The following ADAMTSL1 variants were observed in gnomAD, a reference collection of about 807,000 sequenced individuals.
The protein encoded by ADAMTSL1 is ADAMTS like 1.
ADAMTSL1 carries 126 observed loss-of-function variants against 201.8 expected under a neutral mutation model. The ratio of observed to expected loss-of-function variants is 0.62; its 90% CI spans 0.54 to 0.72. ADAMTSL1 has a LOEUF of 0.72. Ranked by LOEUF, ADAMTSL1 falls within the 30% of genes least tolerant of loss-of-function variation. The pLI is 0.00. For missense variants in ADAMTSL1, 2,679 were observed against 2,277.8 expected, an observed-to-expected ratio of 1.18 and a Z score of -3.59; for synonymous variants, 1,121 against 903.4, an observed-to-expected ratio of 1.24 and a Z score of -4.32.
At chr9:18,903,709 C>G (rs966263545) in intron 26 of ADAMTSL1, among the ~76,000 whole-genome samples, 2 of 99,988 alleles carry the variant, frequency 2.0e-5, no homozygotes, top group Non-Finnish European at 4.2e-5. Flanking sequence ...TTGGTATCCA[C>G]AGGTGATTGA....
chr9:18,503,421 G>GTGTATATATATATA (rs376466829), intron 1 of ADAMTSL1, among the ~76,000 whole-genome samples: 1,918 of 115,222 alleles, frequency 0.017, 133 homozygotes, highest in Admixed American at 0.047. Flanking sequence ...ATTCCATTGT[G>GTGTATATATATATA]TATATATATA....
intron 14 of ADAMTSL1, among the ~76,000 whole-genome samples, chr9:18,715,617 C>T (rs1832877583): frequency 6.6e-6 from 1 of 152,238 alleles, no homozygotes; most frequent in East Asian, 1.9e-4. Context: ...ACATTCCATG[C>T]TCATGGGTAG....
intron 23 of ADAMTSL1, among the ~76,000 whole-genome samples, chr9:18,872,002 A>T (rs1036037353): frequency 6.6e-6 from 1 of 152,148 alleles, no homozygotes. Context: ...GGCTGTATCT[A>T]TGTTTCCCAA....
At chr9:18,856,411 A>AT (rs2131394021) in intron 23 of ADAMTSL1, among the ~76,000 whole-genome samples, 1 of 149,026 alleles carries the variant, frequency 6.7e-6, no homozygotes, top group East Asian at 2.0e-4. Flanking sequence ...TTTTAGTCTT[A>AT]TTGTTGACAT....
At chr9:18,752,158 G>A (rs1274545926) in intron 15 of ADAMTSL1, among the ~76,000 whole-genome samples, 1 of 152,014 alleles carries the variant, frequency 6.6e-6, no homozygotes, top group Non-Finnish European at 1.5e-5. Context: ...AGAAAACCAT[G>A]GGGCATAACT....
intron 28 of ADAMTSL1, chr9:18,907,884 A>G (rs183059628): frequency 5.8e-6 from 1 of 171,594 alleles, no homozygotes; most frequent in East Asian, 1.8e-4. Context: ...TGTTTAAGGC[A>G]TGATGGGTAG....
intron 3 of ADAMTSL1, among the ~76,000 whole-genome samples, chr9:18,563,791 C>T (rs1028141719): frequency 5.9e-5 from 9 of 152,184 alleles, no homozygotes; most frequent in African/African-American, 1.2e-4. Flanking sequence ...TTCAAACCTC[C>T]GGGGGCTTTG....
intron 4 of ADAMTSL1, chr9:18,574,622 T>C (rs1822590709): frequency 2.7e-6 from 1 of 372,160 alleles, no homozygotes; most frequent in African/African-American, 2.1e-5. Flanking sequence ...TGTGTGTATT[T>C]AGAGACTGGA....
intron 2 of ADAMTSL1, among the ~76,000 whole-genome samples, chr9:18,393,269 T>G (rs1838126090): frequency 1.3e-5 from 2 of 152,200 alleles, no homozygotes; most frequent in South Asian, 4.1e-4. Context: ...ATTTGAGCAT[T>G]AAGAAGTACT....
intron 2 of ADAMTSL1, among the ~76,000 whole-genome samples, chr9:18,229,788 C>T (rs113718727): frequency 0.037 from 5,681 of 151,974 alleles, 138 homozygotes; most frequent in Non-Finnish European, 0.053. Flanking sequence ...CTCCACCTCC[C>T]GGGTTCAAGC....
At chr9:18,179,996 T>C (rs1828380077) in intron 2 of ADAMTSL1, among the ~76,000 whole-genome samples, 2 of 151,578 alleles carry the variant, frequency 1.3e-5, no homozygotes, top group Non-Finnish European at 2.9e-5. Context: ...GCTAACATCA[T>C]AATGACAGGA....
At chr9:18,292,638 C>T (rs1380592973) in intron 2 of ADAMTSL1, among the ~76,000 whole-genome samples, 1 of 152,146 alleles carries the variant, frequency 6.6e-6, no homozygotes, top group East Asian at 1.9e-4. Context: ...GCTAAGTCTT[C>T]CAGCCTTCAT....
chr9:17,935,453 A>C (rs530395734), intron 1 of ADAMTSL1, among the ~76,000 whole-genome samples: 2 of 152,240 alleles, frequency 1.3e-5, no homozygotes, highest in South Asian at 4.1e-4. Flanking sequence ...CTCTAACCTC[A>C]TGCATTCACT....
At chr9:18,697,543 C>T (rs1387137880) in intron 13 of ADAMTSL1, among the ~76,000 whole-genome samples, 2 of 152,174 alleles carry the variant, frequency 1.3e-5, no homozygotes, top group Non-Finnish European at 2.9e-5. Flanking sequence ...CAGTACCCAT[C>T]TCCCAACAAT....
intron 15 of ADAMTSL1, among the ~76,000 whole-genome samples, chr9:18,735,509 T>C (rs1415492818): frequency 2.0e-5 from 3 of 152,150 alleles, no homozygotes; most frequent in Non-Finnish European, 4.4e-5. Flanking sequence ...AAGATTTGCT[T>C]AACACAGAGA....
At chr9:18,584,875 G>T (rs1333301306) in intron 4 of ADAMTSL1, among the ~76,000 whole-genome samples, 1 of 152,152 alleles carries the variant, frequency 6.6e-6, no homozygotes, top group Non-Finnish European at 1.5e-5. Context: ...CCTGGATCAT[G>T]AATTTCCCAG....
At chr9:18,147,218 G>A (rs900775669) in intron 1 of ADAMTSL1, among the ~76,000 whole-genome samples, 1 of 152,210 alleles carries the variant, frequency 6.6e-6, no homozygotes, top group Non-Finnish European at 1.5e-5. Context: ...GATTTGTGAG[G>A]ATTTGATTCT....
chr9:17,961,825 C>G (rs1440137570), intron 1 of ADAMTSL1, among the ~76,000 whole-genome samples: 2 of 152,122 alleles, frequency 1.3e-5, no homozygotes, highest in African/African-American at 4.8e-5. Flanking sequence ...CAGGGGAGAG[C>G]AGCATGGTGT....
intron 13 of ADAMTSL1, among the ~76,000 whole-genome samples, chr9:18,687,919 C>G (rs1160900265): frequency 1.3e-5 from 2 of 152,066 alleles, no homozygotes; most frequent in Non-Finnish European, 2.9e-5. Flanking sequence ...TTTCATAGAA[C>G]CACTGAAATA....
Sources: gnomAD v4.1 joint callset for allele counts (sites outside exome capture counted in the v4.1 genomes callset) on GRCh38, gnomAD v4.1.1 for gene constraint, MANE v1.5 for transcripts, NCBI Gene and HGNC (gene_info 2026-07-23, HGNC 2026-07-21) for gene names.